Variants in SDC2 observed in about 807,000 individuals in gnomAD.
SDC2 encodes the protein syndecan 2.
Under a neutral mutation model 22.2 loss-of-function variants are expected in SDC2, and 13 were observed. The ratio of observed to expected loss-of-function variants is 0.59; its 90% confidence interval spans 0.38 to 0.93. SDC2 has a LOEUF of 0.93. Ranked by LOEUF, SDC2 falls within the 40% of genes least tolerant of loss-of-function variation. SDC2 has a pLI of 0.00. For missense variants in SDC2, 235 were observed against 246.8 expected (o/e 0.95, Z 0.32); for synonymous variants, 94 against 92.8 (o/e 1.01, Z -0.07).
chr8:96,585,902 G>A (rs1184036674), intron 1 of SDC2, among the ~76,000 whole-genome samples: 1 of 144,456 alleles, frequency 6.9e-6, no homozygotes, highest in African/African-American at 2.6e-5. Flanking sequence ...CGCAGTTAAT[G>A]TACTGATTAT....
intron 1 of SDC2, among the ~76,000 whole-genome samples, chr8:96,544,157 G>A (rs181927179): frequency 2.1e-4 from 32 of 152,212 alleles, no homozygotes; most frequent in African/African-American, 7.7e-4. Context: ...TTAATTTGAT[G>A]TTGTCCTACA....
At chr8:96,586,286 G>A (rs1036121182) in intron 1 of SDC2, 1 of 152,194 alleles carries the variant, frequency 6.6e-6, no homozygotes, top group African/African-American at 2.4e-5. Flanking sequence ...TAAAGGGCTT[G>A]GTTATTTCCT....
intron 1 of SDC2, among the ~76,000 whole-genome samples, chr8:96,565,748 T>G (rs563766833): frequency 6.6e-6 from 1 of 152,204 alleles, no homozygotes; most frequent in East Asian, 1.9e-4. Flanking sequence ...TTGGAAAGGC[T>G]GGGTAGATAA....
intron 2 of SDC2, among the ~76,000 whole-genome samples, chr8:96,599,615 G>A (rs2130647494): frequency 6.6e-6 from 1 of 152,212 alleles, no homozygotes; most frequent in East Asian, 1.9e-4. Context: ...TGATATATAT[G>A]TACCTTCGTG....
intron 1 of SDC2, among the ~76,000 whole-genome samples, chr8:96,507,886 G>A (rs577722831): frequency 1.3e-5 from 2 of 152,274 alleles, no homozygotes; most frequent in African/African-American, 2.4e-5. Flanking sequence ...AATATTGGCC[G>A]GCTGTGGTGG....
At chr8:96,590,204 T>C (rs909407972) in intron 1 of SDC2, among the ~76,000 whole-genome samples, 1 of 152,188 alleles carries the variant, frequency 6.6e-6, no homozygotes, top group Non-Finnish European at 1.5e-5. Context: ...GCTTTGTTTT[T>C]CTCCCAGCTT....
intron 1 of SDC2, among the ~76,000 whole-genome samples, chr8:96,568,376 A>T (rs1473989165): frequency 6.6e-6 from 1 of 152,274 alleles, no homozygotes; most frequent in Non-Finnish European, 1.5e-5. Context: ...CTTTTAACAC[A>T]TAACCATAAC....
chr8:96,525,297 A>G (rs114488522), intron 1 of SDC2, among the ~76,000 whole-genome samples: 3,490 of 152,108 alleles, frequency 0.023, 131 homozygotes, highest in African/African-American at 0.08. Flanking sequence ...AAGCCACCCC[A>G]TTTGGTGCTG....
rs143931811 is a variant in SDC2, at chr8:96,604,630, C to A, written c.306+2102C>A. On this transcript the variant is annotated intron_variant, in intron 3 of 4. Coordinates refer to ENST00000302190, the MANE Select transcript of SDC2 (RefSeq NM_002998.4). ...ATTGGTCTCACAGTGGCATTAATGT[C>A]ACTGTTACGGATATCCTATCTAGTT... 3.1e-4 allele frequency among the ~76,000 whole-genome samples: 47 copies of A among 152,212 alleles called. No homozygotes were observed. In the East Asian group the frequency reaches 7.9e-3, roughly 26 times the overall value.
At chr8:96,588,066 C>G (rs1392821208) in intron 1 of SDC2, among the ~76,000 whole-genome samples, 5 of 152,132 alleles carry the variant, frequency 3.3e-5, no homozygotes, top group Non-Finnish European at 7.3e-5. Flanking sequence ...CACAGCTAAT[C>G]CTTTTGAACC....
chr8:96,542,291 A>G (rs550573131), intron 1 of SDC2, among the ~76,000 whole-genome samples: 4 of 152,210 alleles, frequency 2.6e-5, no homozygotes, highest in Non-Finnish European at 4.4e-5. Flanking sequence ...ATGTGCATGT[A>G]TCTCCCATTT....
At chr8:96,579,221 T>C (rs1205182755) in intron 1 of SDC2, among the ~76,000 whole-genome samples, 1 of 152,152 alleles carries the variant, frequency 6.6e-6, no homozygotes, top group East Asian at 1.9e-4. Context: ...AAAGTCTTAA[T>C]TTTTTTTCTT....
intron 1 of SDC2, among the ~76,000 whole-genome samples, chr8:96,517,211 G>GTT (rs951701635): frequency 6.6e-6 from 1 of 152,128 alleles, no homozygotes; most frequent in African/African-American, 2.4e-5. Context: ...AGCAAGATGT[G>GTT]TTTTTGTGTT....
In SDC2 at chr8:96,529,008, G is replaced by A. The variant is rs2575731; in HGVS notation, c.60+34677G>A. Among the ~76,000 whole-genome samples the A allele has an allele frequency of 2.5e-4, 38 of 152,060 alleles. 1 individual carries two copies. The highest frequency in any genetic ancestry group is 1.8e-3 in the Admixed American group (27 of 15,278). On this transcript the variant is annotated intron_variant, in intron 1 of 4. Coordinates refer to ENST00000302190, the MANE Select transcript of SDC2 (RefSeq NM_002998.4). ...ATCAGTTTCCCAGCTGAGATGCCCC[G>A]GCACAGCTGTGCCAAAATTCTGATG...
At chr8:96,573,843 T>G (rs748031696) in intron 1 of SDC2, among the ~76,000 whole-genome samples, 1 of 152,114 alleles carries the variant, frequency 6.6e-6, no homozygotes, top group Non-Finnish European at 1.5e-5. Flanking sequence ...ATAAATCTCC[T>G]AGTTTTTCAC....
intron 1 of SDC2, among the ~76,000 whole-genome samples, chr8:96,527,252 C>T (rs1437044645): frequency 1.3e-5 from 2 of 152,276 alleles, no homozygotes; most frequent in African/African-American, 4.8e-5. Context: ...TGTTTGAATG[C>T]ACCCTATTTT....
At chr8:96,567,131 G>A (rs1415611467) in intron 1 of SDC2, among the ~76,000 whole-genome samples, 1 of 152,248 alleles carries the variant, frequency 6.6e-6, no homozygotes, top group Non-Finnish European at 1.5e-5. Context: ...TGGGATTACA[G>A]GCGTGAGCCA....
intron 1 of SDC2, among the ~76,000 whole-genome samples, chr8:96,495,770 T>C (rs910240897): frequency 6.6e-6 from 1 of 152,138 alleles, no homozygotes; most frequent in Non-Finnish European, 1.5e-5. Context: ...AGCCTCTGTG[T>C]GTGCTAGCAG....
chr8:96,518,475 C>A lies in SDC2; in HGVS notation c.60+24144C>A, dbSNP rs1172676816. Among the ~76,000 whole-genome samples, 60 of 151,876 alleles carry A rather than the reference C, an allele frequency of 4.0e-4. No individual in the cohort carries two copies. In the East Asian group the frequency reaches 8.6e-3, roughly 22 times the overall value. Reference sequence around the variant, plus strand: ...TCCCAGGTTCACGTCATTCTCCTGCCTCAGCCTCCCAAGTAGCTGGGACTA... The same window carrying A: ...TCCCAGGTTCACGTCATTCTCCTGCATCAGCCTCCCAAGTAGCTGGGACTA... On this transcript the variant is annotated intron_variant, in intron 1 of 4. Coordinates refer to ENST00000302190, the MANE Select transcript of SDC2 (RefSeq NM_002998.4).
Sources: allele counts gnomAD v4.1 joint callset (sites outside exome capture counted in the v4.1 genomes callset), GRCh38; gene constraint gnomAD v4.1.1; transcripts MANE v1.5; gene names NCBI Gene and HGNC (gene_info 2026-07-23, HGNC 2026-07-21).